The following ACER2 variants were observed in gnomAD, a reference collection of about 807,000 sequenced individuals.
ACER2 encodes the protein alkCDase 2.
In ACER2, 26 loss-of-function variants were observed where a neutral mutation model predicts 34.7. The observed-to-expected ratio is 0.75, with a 90% CI of 0.55 to 1.04. The LOEUF (loss-of-function observed/expected upper bound fraction) is 1.04, where lower values mean the gene tolerates loss of function less well. Ranked by LOEUF, ACER2 falls within the 50% of genes least tolerant of loss-of-function variation. The pLI is 0.00. For synonymous variants in ACER2, 138 were observed against 132.1 expected (o/e 1.04, Z -0.31); for missense variants, 352 against 340.8 (o/e 1.03, Z -0.26).
chr9:19,426,322 TTTTC>T (rs990289047), intron 3 of ACER2, among the ~76,000 whole-genome samples: 16 of 148,460 alleles, frequency 1.1e-4, no homozygotes, highest in East Asian at 3.9e-4. Flanking sequence ...CTTTCTTTCT[TTTTC>T]TTTCTTTCTG....
At chr9:19,421,819 A>T (rs1830416065) in intron 1 of ACER2, among the ~76,000 whole-genome samples, 1 of 152,194 alleles carries the variant, frequency 6.6e-6, no homozygotes, top group Non-Finnish European at 1.5e-5. Flanking sequence ...ACAAACCCCA[A>T]AATCAACCAA....
At chr9:19,448,689 T>C (rs1002946817) in intron 5 of ACER2, among the ~76,000 whole-genome samples, 8 of 152,344 alleles carry the variant, frequency 5.3e-5, no homozygotes, top group African/African-American at 1.9e-4. Flanking sequence ...CTCTTAAATC[T>C]CCATTAACCT....
At chr9:19,423,219 T>A (rs1563876650) in intron 1 of ACER2, among the ~76,000 whole-genome samples, 1 of 152,184 alleles carries the variant, frequency 6.6e-6, no homozygotes, top group East Asian at 1.9e-4. Context: ...ATAATTAACC[T>A]TGCAATAAGA....
intron 1 of ACER2, among the ~76,000 whole-genome samples, chr9:19,414,994 T>C (rs1830199737): frequency 6.6e-6 from 1 of 152,194 alleles, no homozygotes; most frequent in Non-Finnish European, 1.5e-5. Flanking sequence ...TTTCTTTTGG[T>C]GTTCCTTCAT....
At chr9:19,444,501 G>A (rs1831281134) in intron 4 of ACER2, among the ~76,000 whole-genome samples, 1 of 152,132 alleles carries the variant, frequency 6.6e-6, no homozygotes, top group African/African-American at 2.4e-5. Context: ...TTGAGCCACC[G>A]CGCCCGGCAT....
intron 3 of ACER2, among the ~76,000 whole-genome samples, chr9:19,426,189 C>T (rs893358375): frequency 1.3e-5 from 2 of 151,502 alleles, no homozygotes; most frequent in African/African-American, 4.9e-5. Flanking sequence ...AGAGGAACAG[C>T]CGCTTTTACC....
At chr9:19,426,860 C>A (rs1408739847) in intron 3 of ACER2, among the ~76,000 whole-genome samples, 1 of 151,698 alleles carries the variant, frequency 6.6e-6, no homozygotes, top group African/African-American at 2.4e-5. Flanking sequence ...CCAGCGTGGG[C>A]AACACAGTGA....
chr9:19,433,927 C>G (rs144152553), intron 3 of ACER2, among the ~76,000 whole-genome samples: 3 of 150,340 alleles, frequency 2.0e-5, no homozygotes, highest in Non-Finnish European at 4.4e-5. Flanking sequence ...TCCTCCAGGA[C>G]GGGGCGGCTG....
intron 1 of ACER2, among the ~76,000 whole-genome samples, chr9:19,421,458 A>G (rs916020792): frequency 2.6e-5 from 4 of 152,238 alleles, no homozygotes; most frequent in African/African-American, 4.8e-5. Context: ...AACCTTAAAA[A>G]CATTATGCTA....
intron 4 of ACER2, among the ~76,000 whole-genome samples, chr9:19,439,834 G>T (rs1831090825): frequency 6.6e-6 from 1 of 152,184 alleles, no homozygotes; most frequent in Non-Finnish European, 1.5e-5. Flanking sequence ...GAGTGTGGTG[G>T]CAGATGCTTG....
rs1306107048 is a variant in ACER2 at position 19,444,254 on chromosome 9, T to C, written c.504-2027T>C. Among the ~76,000 whole-genome samples, 7 of 148,148 alleles carry C rather than the reference T, an allele frequency of 4.7e-5. No homozygotes were observed. The East Asian group carries it at 1.2e-3, about 25-fold the overall frequency. Reference sequence around the variant, plus strand: ...TGAGACGGAGTCTTGCTCTGTCCCCTGGGCTGGAGTGCAGTGGCGCGATCT... The same window carrying C: ...TGAGACGGAGTCTTGCTCTGTCCCCCGGGCTGGAGTGCAGTGGCGCGATCT... On this transcript the variant is annotated intron_variant, in intron 4 of 5. Transcript: ENST00000340967.
At position 19,409,169 on chromosome 9, in the gene ACER2, G is replaced by C; in HGVS notation, c.85G>C (p.Ala29Pro). ...CGAGGACAACTACACCATCGTGCCT[G>C]CTATCGCCGAGTTCTACAACACGGT... is the stretch of plus-strand genomic sequence containing the variant. The part of the protein sequence containing the change: ...WCEDNYTIVP[A>P]IAEFYNTISN... The change falls in exon 1 of 6, where the codon GCT becomes CCT. Residue 29 changes from alanine (A) to proline (P), a missense_variant. By Grantham distance (27) the Ala-to-Pro change is conservative. Transcript: ENST00000340967. The C allele has an allele frequency of 6.2e-7, 1 of 1,602,300 alleles. No individual in the cohort carries two copies. The highest frequency in any genetic ancestry group is 8.5e-7 in the Non-Finnish European group (1 of 1,174,950).
chr9:19,419,709 G>T (rs1830343398), intron 1 of ACER2, among the ~76,000 whole-genome samples: 2 of 152,218 alleles, frequency 1.3e-5, no homozygotes, highest in Admixed American at 6.5e-5. Context: ...ATTACAGTAA[G>T]GTGAGATCGT....
chr9:19,438,940 T>A (rs943318342), intron 4 of ACER2, among the ~76,000 whole-genome samples: 1 of 152,082 alleles, frequency 6.6e-6, no homozygotes, highest in Non-Finnish European at 1.5e-5. Context: ...TGTGAGCCAC[T>A]GCACCCAGCT....
At chr9:19,445,270 C>T (rs1213501866) in intron 4 of ACER2, among the ~76,000 whole-genome samples, 1 of 152,110 alleles carries the variant, frequency 6.6e-6, no homozygotes, top group Non-Finnish European at 1.5e-5. Flanking sequence ...TTCAGAAAAC[C>T]ATTTTGTCCC....
chr9:19,433,893 G>A (rs1488187502), intron 3 of ACER2, among the ~76,000 whole-genome samples: 1 of 151,840 alleles, frequency 6.6e-6, no homozygotes, highest in Non-Finnish European at 1.5e-5. Flanking sequence ...CGGACGGGGC[G>A]GCTGGCCGGG....
chr9:19,413,074 A>G lies in ACER2; in HGVS notation c.108+3882A>G, dbSNP rs748296839. Among the ~76,000 whole-genome samples, 34 of 152,356 alleles carry G rather than the reference A, an allele frequency of 2.2e-4. No homozygotes were observed. The Middle Eastern group carries it at 0.014, about 61-fold the overall frequency. On this transcript the variant is annotated intron_variant, in intron 1 of 5. Transcript: ENST00000340967. ...ATTATTGTGAAATGGCACACTAAAG[A>G]GAGTGCACTGATTTGACTTCCACTG...
At chr9:19,431,588 G>A (rs956544484) in intron 3 of ACER2, among the ~76,000 whole-genome samples, 1 of 152,252 alleles carries the variant, frequency 6.6e-6, no homozygotes, top group Non-Finnish European at 1.5e-5. Context: ...CGTGATGGCT[G>A]TGGGCCCTCA....
chr9:19,410,797 G>A (rs1830065762), intron 1 of ACER2, among the ~76,000 whole-genome samples: 1 of 152,216 alleles, frequency 6.6e-6, no homozygotes, highest in Non-Finnish European at 1.5e-5. Context: ...CATGCTGTCA[G>A]GGGTAAATAG....
Sources: gnomAD v4.1 joint callset for allele counts (sites outside exome capture counted in the v4.1 genomes callset) on GRCh38, gnomAD v4.1.1 for gene constraint, MANE v1.5 for transcripts, NCBI Gene and HGNC (gene_info 2026-07-23, HGNC 2026-07-21) for gene names.